PAOX: variants seen among roughly 807,000 people sequenced by gnomAD.
PAOX encodes the protein polyamine oxidase, also known as peroxisomal N(1)-acetyl-spermine/spermidine oxidase.
In PAOX, 38 loss-of-function variants were observed where a neutral mutation model predicts 39.0. That is an observed-to-expected ratio of 0.97 (90% confidence interval 0.75 to 1.28). PAOX has a LOEUF of 1.28. Among genes scored for constraint, PAOX ranks in the 50% most tolerant of loss-of-function variants. PAOX has a pLI of 0.00. For missense variants in PAOX, 667 were observed against 685.7 expected (o/e 0.97, Z 0.30); for synonymous variants, 311 against 314.4 (o/e 0.99, Z 0.11).
intron 2 of PAOX, 111 bp downstream of exon 2, chr10:133,380,596 T>C: frequency 7.4e-7 from 1 of 1,360,186 alleles, no homozygotes; most frequent in Non-Finnish European, 9.7e-7. Context: ...AGACCATTTG[T>C]CCTCCCCATT....
At chr10:133,385,564 A>C (rs577507881) in intron 4 of PAOX, among the ~76,000 whole-genome samples, 1 of 152,156 alleles carries the variant, frequency 6.6e-6, no homozygotes, top group African/African-American at 2.4e-5. Flanking sequence ...CACATCTGTA[A>C]ATTTACCCCA....
intron 6 of PAOX, chr10:133,391,071 C>T (rs1252690402): frequency 1.4e-6 from 1 of 697,872 alleles, no homozygotes; most frequent in Non-Finnish European, 2.6e-6. Flanking sequence ...TGCGTGTGAG[C>T]CGTTTTCCTG....
At position 133,380,072 on chromosome 10, in the gene PAOX, T is replaced by C; in HGVS notation, c.255T>C (p.Ala85=). The change falls in exon 2 of 7, where the codon GCT becomes GCC. Residue 85 remains alanine (A), a synonymous_variant. Coordinates refer to ENST00000278060, the MANE Select transcript of PAOX (RefSeq NM_152911.4). ...SRGNPVFQLA[A]EYGLLGEKEL... is the part of the protein sequence containing the mutation. ...GTAACCCCGTCTTCCAGCTGGCTGC[T>C]GAGTACGGGCTGCTGGGGGAGAAGG... The C allele has an allele frequency of 6.5e-7, 1 of 1,533,220 alleles. No homozygotes were observed. The highest frequency in any genetic ancestry group is 1.3e-5 in the South Asian group (1 of 77,826). 95.0% of individuals were successfully genotyped at this position (1,533,220 alleles called of 1,614,324 possible).
chr10:133,387,297 T>C (rs1230908943), intron 4 of PAOX, among the ~76,000 whole-genome samples: 1 of 152,078 alleles, frequency 6.6e-6, no homozygotes, highest in Non-Finnish European at 1.5e-5. Flanking sequence ...AAAATATATA[T>C]ATATTGGTTC....
intron 1 of PAOX, chr10:133,379,776 C>T (rs1302705325): frequency 8.8e-6 from 5 of 568,046 alleles, no homozygotes; most frequent in South Asian, 1.1e-4. Context: ...GCCCACCCTG[C>T]GCCCCTCCCT....
chr10:133,390,924 G>A, intron 6 of PAOX: 2 of 690,370 alleles, frequency 2.9e-6, no homozygotes, highest in East Asian at 5.4e-5. Context: ...CACCTGAGCT[G>A]CGGGGTGCAG....
chr10:133,380,024 C>G lies in PAOX; in HGVS notation c.207C>G (p.His69Gln). Residue 69 changes from histidine to glutamine, a missense_variant, in exon 2 of 7, where the codon CAC becomes CAG. Physicochemically the swap from His to Gln is conservative, Grantham distance 24. Coordinates refer to ENST00000278060, the MANE Select transcript of PAOX (RefSeq NM_152911.4). ...GTGGCGTGGTGGAGGTGGGCGCGCACTGGATCCATGGGCCCTCCCGGGGTA... is the reference window on the plus strand; with the variant it reads ...GTGGCGTGGTGGAGGTGGGCGCGCAGTGGATCCATGGGCCCTCCCGGGGTA... ...CFGGVVEVGA[H>Q]WIHGPSRGNP... is the part of the protein sequence containing the mutation. 3 of 1,517,114 alleles carry G rather than the reference C, an allele frequency of 2.0e-6. No individual in the cohort carries two copies. The South Asian group carries it at 4.0e-5, about 20-fold the overall frequency. The allele number at this position is 1,517,114 out of a possible 1,614,324, so 94.0% of individuals were successfully genotyped here. A position where few individuals can be genotyped will look rare whatever the true frequency, so the allele number is the denominator to read the frequency against.
At position 133,384,423 on chromosome 10, in the gene PAOX, G is replaced by A. The variant is rs12772858; in HGVS notation, c.1121+211G>A. Among the ~76,000 whole-genome samples, 1,728 of 152,302 alleles carry A rather than the reference G, an allele frequency of 0.011. 12 individuals carry two copies. Among genetic ancestry groups the A allele is most frequent in the Middle Eastern group, 0.038 (11 of 292 alleles). Reference sequence around the variant, plus strand: ...GCCCTGCTGTATGCGGGTTGTCAGCGTCCCTCAGGGCCCAGAATGTGTTTG... The same window carrying A: ...GCCCTGCTGTATGCGGGTTGTCAGCATCCCTCAGGGCCCAGAATGTGTTTG... On this transcript the variant is annotated intron_variant, in intron 4 of 6. Coordinates refer to ENST00000278060, the MANE Select transcript of PAOX (RefSeq NM_152911.4). This position sits in a 1 kb window ranked among gnomAD's most constrained non-coding sequence, Gnocchi z 4.3.
chr10:133,382,449 T>C (rs948417209), intron 3 of PAOX, among the ~76,000 whole-genome samples: 2 of 152,184 alleles, frequency 1.3e-5, no homozygotes, highest in African/African-American at 2.4e-5. Flanking sequence ...TGAGACCCCA[T>C]TGCTGTTTCC....
chr10:133,384,412 G>A lies in PAOX; in HGVS notation c.1121+200G>A, dbSNP rs12243798. Among the ~76,000 whole-genome samples the A allele has an allele frequency of 0.019, 2,889 of 152,268 alleles. 90 individuals carry two copies. The highest frequency in any genetic ancestry group is 0.066 in the African/African-American group (2,747 of 41,532). On this transcript the variant is annotated intron_variant, in intron 4 of 6. Transcript: ENST00000278060. The surrounding 1 kb of genome is among the most constrained non-coding windows in gnomAD (Gnocchi z 4.3). ...GGACAGATGGCGCCCTGCTGTATGC[G>A]GGTTGTCAGCGTCCCTCAGGGCCCA... is the stretch of plus-strand genomic sequence containing the variant.
intron 6 of PAOX, among the ~76,000 whole-genome samples, chr10:133,390,403 T>C (rs1037039349): frequency 3.1e-5 from 4 of 127,478 alleles, no homozygotes; most frequent in African/African-American, 1.2e-4. Flanking sequence ...ATAGTGAGAG[T>C]CGGTCTCCAC....
chr10:133,386,448 C>T (rs978091095), intron 4 of PAOX, among the ~76,000 whole-genome samples: 7 of 152,138 alleles, frequency 4.6e-5, no homozygotes, highest in African/African-American at 1.7e-4. Flanking sequence ...TGTGGATCTA[C>T]ATGGATATGT....
At chr10:133,390,999 T>C (rs1347001480) in intron 6 of PAOX, 18 of 699,792 alleles carry the variant, frequency 2.6e-5, no homozygotes, top group Middle Eastern at 2.3e-4. Flanking sequence ...GGTGGATGCG[T>C]GTGAGCCGTT....
In PAOX at chr10:133,391,487, C is replaced by G. The variant is rs139461857; in HGVS notation, c.*32C>G. ...CCAGCCTACTCTGTTCCACCCGTGT[C>G]GGGGGTAGGCTGGGACCCTCATTTC... On this transcript the variant is annotated 3_prime_UTR_variant, in exon 7 of 7. Coordinates refer to ENST00000278060, the MANE Select transcript of PAOX (RefSeq NM_152911.4). 7.6e-6 allele frequency: 12 copies of G among 1,577,926 alleles called. No homozygotes were observed. The South Asian group carries it at 1.4e-4, about 18-fold the overall frequency.
At chr10:133,386,249 T>C (rs1849529639) in intron 4 of PAOX, among the ~76,000 whole-genome samples, 1 of 152,036 alleles carries the variant, frequency 6.6e-6, no homozygotes, top group African/African-American at 2.4e-5. Context: ...GGTCTCGAAC[T>C]CCTGGCCTCA....
At chr10:133,383,813 A>G (rs1324245392) in intron 3 of PAOX, 147 bp from the exon 4 acceptor site, 7 of 1,068,816 alleles carry the variant, frequency 6.5e-6, no homozygotes. Context: ...TATCTCAAAA[A>G]CAAGGACAAA....
At position 133,379,302 on chromosome 10, in the gene PAOX, T is replaced by C; in HGVS notation, c.-15T>C. 1 of 1,212,834 alleles carries C rather than the reference T, an allele frequency of 8.2e-7. No homozygotes were observed. Among genetic ancestry groups the C allele is most frequent in the Non-Finnish European group, 1.0e-6 (1 of 976,440 alleles). The allele number at this position is 1,212,834 out of a possible 1,614,324, so 75.1% of individuals were successfully genotyped here. A position where few individuals can be genotyped will look rare whatever the true frequency, so the allele number is the denominator to read the frequency against. ...CCCGGCTACTCAGAAGCCCTCGGAC[T>C]GCCCGGACCGCGCGATGGAGTCGAC... On this transcript the variant is annotated 5_prime_UTR_variant, in exon 1 of 7. Transcript: ENST00000278060.
chr10:133,385,420 C>T (rs968230362), intron 4 of PAOX, among the ~76,000 whole-genome samples: 1 of 151,972 alleles, frequency 6.6e-6, no homozygotes, highest in Non-Finnish European at 1.5e-5. Flanking sequence ...CTCCTGTGCT[C>T]TCTTGCTTAG....
At chr10:133,388,456 C>T (rs1055336509) in intron 4 of PAOX, among the ~76,000 whole-genome samples, 3 of 152,338 alleles carry the variant, frequency 2.0e-5, no homozygotes, top group East Asian at 3.9e-4. Context: ...GACATGATCT[C>T]GTTCTTTGAC....
Sources: allele counts gnomAD v4.1 joint callset (sites outside exome capture counted in the v4.1 genomes callset), GRCh38; gene constraint gnomAD v4.1.1; non-coding constraint Gnocchi (gnomAD v3.1); transcripts MANE v1.5; gene names NCBI Gene and HGNC (gene_info 2026-07-23, HGNC 2026-07-21).